The following KLRK1 variants were observed in gnomAD, a reference collection of about 807,000 sequenced individuals.
KLRK1 encodes NKG2-D type II integral membrane protein.
In KLRK1, 40 loss-of-function variants were observed where a neutral mutation model predicts 31.3. The observed-to-expected ratio is 1.28, with a 90% CI of 0.99 to 1.67. The LOEUF (loss-of-function observed/expected upper bound fraction) is 1.67, where lower values mean the gene tolerates loss of function less well. KLRK1 is among the 40% of genes most tolerant of loss of function. KLRK1 has a pLI of 0.00. For missense variants in KLRK1, 251 were observed against 260.0 expected (o/e 0.97, Z 0.24); for synonymous variants, 77 against 77.3 (o/e 1.00, Z 0.02).
rs1863066765 is a variant in KLRK1, at chr12:10,381,136, T to C, written c.149-1344A>G. ...TCTGTCCTCAGCATAGAGAGAGTCA[T>C]GCATGCGCCCCCCCAGATTCCCAGA... On this transcript the variant is annotated intron_variant, in intron 3 of 7. Coordinates refer to ENST00000240618, the MANE Select transcript of KLRK1 (RefSeq NM_007360.4). Among the ~76,000 whole-genome samples, 3 of 151,692 alleles carry C rather than the reference T, an allele frequency of 2.0e-5. 1 individual carries two copies. The highest frequency in any genetic ancestry group is 7.3e-5 in the African/African-American group (3 of 41,234).
chr12:10,374,175 G>C (rs573021119), intron 7 of KLRK1: 1 of 152,064 alleles, frequency 6.6e-6, no homozygotes, highest in Non-Finnish European at 1.5e-5. Context: ...CACCACATCC[G>C]GCTAATTTTT....
intron 6 of KLRK1, 69 bp downstream of exon 6, chr12:10,378,485 C>T: frequency 1.3e-6 from 2 of 1,587,504 alleles, no homozygotes; most frequent in Non-Finnish European, 1.7e-6. Flanking sequence ...GTTCTAGGTT[C>T]ATATTCCAGT....
At chr12:10,386,001 T>A (rs1256702374) in intron 3 of KLRK1, among the ~76,000 whole-genome samples, 1 of 140,572 alleles carries the variant, frequency 7.1e-6, no homozygotes, top group South Asian at 2.2e-4. Flanking sequence ...TTTTTTTTTT[T>A]ACCTAAGACA....
chr12:10,378,637 C>A lies in KLRK1; in HGVS notation c.346G>T (p.Glu116Ter). 1 of 1,610,098 alleles carries A rather than the reference C, an allele frequency of 6.2e-7. No homozygotes were observed. Among genetic ancestry groups the A allele is most frequent in the South Asian group, 1.1e-5 (1 of 90,210 alleles). ...TGGCTCTCATACCAGTTTTTACTCT[C>A]ATCAAAAAATTGGTAGCAGTTATTT... ...YKNNCYQFFD[E>*]SKNWYESQAS... Residue 116 changes from glutamate (E) to a stop codon, truncating the protein, a stop_gained, in exon 6 of 8, where the codon GAG (glutamate) becomes TAG (stop). Transcript: ENST00000240618. LOFTEE classifies it high-confidence loss of function.
intron 6 of KLRK1, 40 bp downstream of exon 6, chr12:10,378,514 G>T: frequency 6.2e-7 from 1 of 1,601,962 alleles, no homozygotes; most frequent in South Asian, 1.1e-5. Flanking sequence ...TCAGATGTTA[G>T]GATTAAATAC....
intron 3 of KLRK1, among the ~76,000 whole-genome samples, chr12:10,380,096 C>T (rs1407238648): frequency 5.3e-4 from 68 of 127,556 alleles, no homozygotes; most frequent in Admixed American, 1.5e-3. Context: ...GACGGAGTCT[C>T]GCTCTGTCGC....
chr12:10,381,530 C>T (rs1435340221), intron 3 of KLRK1, among the ~76,000 whole-genome samples: 2 of 152,078 alleles, frequency 1.3e-5, no homozygotes, highest in East Asian at 3.9e-4. Context: ...CTACAGAGAA[C>T]CACCAAACCA....
rs1348672527 is a variant in KLRK1 at position 10,373,060 on chromosome 12, C to G, written c.*54G>C. ...CTTTAGTCTCAGTTGGCAGTGTTAC[C>G]GCTGGTGTAATCTCTTCTCTGTTCC... On this transcript the variant is annotated 3_prime_UTR_variant, in exon 8 of 8. Coordinates refer to ENST00000240618, the MANE Select transcript of KLRK1 (RefSeq NM_007360.4). 2 of 1,498,492 alleles carry G rather than the reference C, an allele frequency of 1.3e-6. No individual in the cohort carries two copies. Among genetic ancestry groups the G allele is most frequent in the South Asian group, 2.4e-5 (2 of 85,092 alleles). 92.8% of individuals were successfully genotyped at this position (1,498,492 alleles called of 1,614,324 possible). A position where few individuals can be genotyped will look rare whatever the true frequency, so the allele number is the denominator to read the frequency against.
At chr12:10,385,367 GACAC>G (rs3055416) in intron 3 of KLRK1, among the ~76,000 whole-genome samples, 10,845 of 145,780 alleles carry the variant, frequency 0.074, 831 homozygotes, top group South Asian at 0.27. Context: ...AGCACACACA[GACAC>G]ACACACACAC....
intron 3 of KLRK1, 28 bp downstream of exon 3, chr12:10,386,875 G>T (rs781566516): frequency 2.0e-5 from 31 of 1,567,742 alleles, no homozygotes; most frequent in Non-Finnish European, 2.6e-5. Flanking sequence ...AATATACTGA[G>T]AGTAGACAAA....
chr12:10,373,716 G>A (rs1375108174), intron 7 of KLRK1, among the ~76,000 whole-genome samples: 3 of 146,036 alleles, frequency 2.1e-5, no homozygotes, highest in Admixed American at 7.0e-5. Flanking sequence ...GTGTGTGTGT[G>A]CATATGTTTA....
At chr12:10,379,053 TGAGGCAGGA>T (rs1031592525) in intron 5 of KLRK1, 1 of 189,966 alleles carries the variant, frequency 5.3e-6, no homozygotes, top group African/African-American at 2.4e-5. Flanking sequence ...ACTTGGAAGC[TGAGGCAGGA>T]GAATTGCTTG....
chr12:10,376,909 C>T (rs571824191), intron 7 of KLRK1, among the ~76,000 whole-genome samples: 6 of 152,138 alleles, frequency 3.9e-5, no homozygotes, highest in African/African-American at 7.2e-5. Context: ...CTCCGTCTCC[C>T]GGGTTCAAGC....
intron 7 of KLRK1, chr12:10,373,894 A>G (rs1862909768): frequency 6.6e-6 from 1 of 152,288 alleles, no homozygotes; most frequent in Non-Finnish European, 1.5e-5. Context: ...AATTGACAAA[A>G]AAATAAAAAG....
intron 1 of KLRK1, among the ~76,000 whole-genome samples, chr12:10,389,144 A>G (rs1237291687): frequency 6.6e-6 from 1 of 152,198 alleles, no homozygotes; most frequent in African/African-American, 2.4e-5. Context: ...CCAATATTTT[A>G]CTTTACTGAT....
intron 7 of KLRK1, among the ~76,000 whole-genome samples, chr12:10,373,594 A>G (rs1163149858): frequency 6.6e-6 from 1 of 152,232 alleles, no homozygotes; most frequent in African/African-American, 2.4e-5. Flanking sequence ...TTGTGGAAAA[A>G]TAAAACATTT....
Position 10,372,912 on chromosome 12 carries a change from A to T in KLRK1, c.*202T>A. On this transcript the variant is annotated 3_prime_UTR_variant, in exon 8 of 8. Coordinates refer to ENST00000240618, the MANE Select transcript of KLRK1 (RefSeq NM_007360.4). The stretch of plus-strand genomic sequence containing the variant: ...TGGGGATATCTGAATTGCCTTTAGG[A>T]TCTCTCTTCTTTTGTCTTGGAGAAT... 1.9e-6 allele frequency: 1 copy of T among 524,486 alleles called. No homozygotes were observed. Among genetic ancestry groups the T allele is most frequent in the Non-Finnish European group, 3.3e-6 (1 of 304,396 alleles). 32.5% of individuals were successfully genotyped at this position (524,486 alleles called of 1,614,324 possible).
At chr12:10,380,351 C>A (rs1019499531) in intron 3 of KLRK1, among the ~76,000 whole-genome samples, 2 of 152,078 alleles carry the variant, frequency 1.3e-5, no homozygotes, top group African/African-American at 4.8e-5. Flanking sequence ...AGGCGTGAGC[C>A]ACCGCACCCG....
intron 5 of KLRK1, chr12:10,379,063 G>T (rs1863018137): frequency 5.2e-6 from 1 of 191,240 alleles, no homozygotes; most frequent in East Asian, 1.5e-4. Flanking sequence ...TGAGGCAGGA[G>T]AATTGCTTGA....
Sources: allele counts gnomAD v4.1 joint callset (sites outside exome capture counted in the v4.1 genomes callset), GRCh38; gene constraint gnomAD v4.1.1; transcripts MANE v1.5; gene names NCBI Gene and HGNC (gene_info 2026-07-23, HGNC 2026-07-21).